Variants in FER1L6 observed in about 807,000 individuals in gnomAD.
The protein encoded by FER1L6 is fer-1-like protein 6.
A neutral mutation model predicts 219.2 loss-of-function variants in FER1L6; 177 were observed. The observed-to-expected ratio is 0.81, with a 90% CI of 0.71 to 0.91. The LOEUF is 0.91. FER1L6 is among the 40% of genes least tolerant of loss of function. The probability of loss-of-function intolerance (pLI) is 0.00; values close to 1 mark genes in which losing one functional copy is unlikely to be tolerated. For missense variants in FER1L6, 2,153 were observed against 2,259.9 expected, an observed-to-expected ratio of 0.95 and a Z score of 0.96; for synonymous variants, 768 against 824.3, an observed-to-expected ratio of 0.93 and a Z score of 1.17.
chr8:124,118,034 G>A (rs1015918412), intron 39 of FER1L6, among the ~76,000 whole-genome samples: 10 of 152,100 alleles, frequency 6.6e-5, no homozygotes, highest in South Asian at 4.1e-4. Flanking sequence ...AGAAATGAGC[G>A]TCTCTGTCAC....
intron 1 of FER1L6, among the ~76,000 whole-genome samples, chr8:123,953,740 C>T (rs1192057298): frequency 6.6e-6 from 1 of 152,204 alleles, no homozygotes; most frequent in African/African-American, 2.4e-5. Context: ...CTTCAAGCAG[C>T]CTCCAGAGCC....
At chr8:123,919,095 G>A (rs1813279751) in intron 1 of FER1L6, among the ~76,000 whole-genome samples, 1 of 152,188 alleles carries the variant, frequency 6.6e-6, no homozygotes, top group African/African-American at 2.4e-5. Flanking sequence ...GGAGAGTGGG[G>A]ACTTGAAGGA....
chr8:124,117,679 T>C (rs1823304250), intron 39 of FER1L6, among the ~76,000 whole-genome samples: 1 of 152,174 alleles, frequency 6.6e-6, no homozygotes, highest in African/African-American at 2.4e-5. Flanking sequence ...GCCCTGCCAC[T>C]CCCTCTCTAT....
intron 12 of FER1L6, among the ~76,000 whole-genome samples, chr8:123,995,397 C>G (rs1351660175): frequency 6.6e-6 from 1 of 152,126 alleles, no homozygotes; most frequent in Admixed American, 6.5e-5. Flanking sequence ...ATGATTCAAT[C>G]TTGGTAGGTT....
At chr8:124,097,966 GGA>G (rs1822383135) in intron 37 of FER1L6, 83 bp downstream of exon 37, 2 of 760,714 alleles carry the variant, frequency 2.6e-6, no homozygotes, top group Admixed American at 1.9e-5. Flanking sequence ...GCCTCATGGA[GGA>G]TACTAAACCC....
chr8:124,007,301 TC>T (rs111395715), intron 13 of FER1L6, among the ~76,000 whole-genome samples: 4,297 of 150,628 alleles, frequency 0.029, 128 homozygotes, highest in East Asian at 0.11. Flanking sequence ...TCTCTCCCTC[TC>T]CCCCCCCTAC....
intron 22 of FER1L6, among the ~76,000 whole-genome samples, chr8:124,057,177 A>G (rs902147936): frequency 1.3e-5 from 2 of 152,252 alleles, no homozygotes; most frequent in Admixed American, 1.3e-4. Flanking sequence ...TGGCTTTGCC[A>G]TAATCTCACT....
intron 1 of FER1L6, among the ~76,000 whole-genome samples, chr8:123,859,862 T>A (rs1816713591): frequency 6.8e-6 from 1 of 147,414 alleles, no homozygotes; most frequent in Non-Finnish European, 1.5e-5. Context: ...TTCATCCATG[T>A]CCCTACAAAG....
rs201007406 is a variant in FER1L6 at position 124,101,281 on chromosome 8, G to A, written c.5068G>A (p.Ala1690Thr). Residue 1690 changes from alanine to threonine, a missense_variant, in exon 38 of 41, where the codon GCT becomes ACT. Ala to Thr is a moderately conservative substitution (Grantham distance 58). Coordinates refer to ENST00000522917, the MANE Select transcript of FER1L6 (RefSeq NM_001039112.2). ...SLEKMECKTPAVLVLQVWDFE... is the reference protein window; with the variant it reads ...SLEKMECKTPTVLVLQVWDFE... ...AGAGAAGATGGAGTGTAAGACTCCT[G>A]CTGTGTTGGTGCTGCAGGTTTGGGA... 217 of 1,613,546 alleles carry A rather than the reference G, an allele frequency of 1.3e-4. No homozygotes were observed. The Middle Eastern group carries it at 2.3e-3, about 17-fold the overall frequency.
At position 123,923,964 on chromosome 8, in the gene FER1L6, T is replaced by C. The variant is rs1052125404; in HGVS notation, c.-7-32028T>C. 3.4e-4 allele frequency among the ~76,000 whole-genome samples: 38 copies of C among 112,650 alleles called. 1 individual carries two copies. Among genetic ancestry groups the C allele is most frequent in the Admixed American group, 3.2e-3 (36 of 11,100 alleles). The allele number at this position is 112,650 out of a possible 152,430, so 73.9% of individuals were successfully genotyped here. A position where few individuals can be genotyped will look rare whatever the true frequency, so the allele number is the denominator to read the frequency against. On this transcript the variant is annotated intron_variant, in intron 1 of 40. Coordinates refer to ENST00000522917, the MANE Select transcript of FER1L6 (RefSeq NM_001039112.2). ...AAGAAAAAAAAAAAAAAAAAAAAAG[T>C]GAAAATCTGGCTGGGCATGGTGGCT...
chr8:123,993,867 CA>C (rs1816990300), intron 12 of FER1L6, among the ~76,000 whole-genome samples: 1 of 152,150 alleles, frequency 6.6e-6, no homozygotes, highest in South Asian at 2.1e-4. Flanking sequence ...TGAGGGTGGT[CA>C]GGGGAGTGAT....
intron 5 of FER1L6, among the ~76,000 whole-genome samples, chr8:123,967,080 TCA>T (rs1491512081): frequency 5.3e-5 from 4 of 74,778 alleles, no homozygotes; most frequent in Non-Finnish European, 7.9e-5. Context: ...AGACTCCACC[TCA>T]AAAAAAAAAA....
chr8:123,966,483 G>C (rs1423541299), intron 5 of FER1L6, among the ~76,000 whole-genome samples, 193 bp downstream of exon 5: 3 of 152,214 alleles, frequency 2.0e-5, no homozygotes, highest in African/African-American at 7.2e-5. Context: ...GTGGAAAAGA[G>C]AGGCGAGGAA....
rs1163752179 is a variant in FER1L6 at position 124,064,478 on chromosome 8, C to G, written c.3460C>G (p.Pro1154Ala). 2 of 1,613,962 alleles carry G rather than the reference C, an allele frequency of 1.2e-6. No homozygotes were observed. The highest frequency in any genetic ancestry group is 1.7e-6 in the Non-Finnish European group (2 of 1,180,004). Reference protein sequence around the residue: ...TVVPDSAQAQPAILVDVPDSS... With the variant: ...TVVPDSAQAQAAILVDVPDSS... ...GGTGCCCGACTCTGCCCAGGCCCAGCCGGCCATCCTGGTTGACGTCCCTGA... is the reference window on the plus strand; with the variant it reads ...GGTGCCCGACTCTGCCCAGGCCCAGGCGGCCATCCTGGTTGACGTCCCTGA... The change falls in exon 26 of 41, where the codon CCG becomes GCG. Residue 1154 changes from proline to alanine, a missense_variant. Pro to Ala is a conservative substitution (Grantham distance 27, BLOSUM62 -1). Transcript: ENST00000522917.
chr8:124,091,432 C>A lies in FER1L6; in HGVS notation c.4401C>A (p.Tyr1467Ter). The A allele has an allele frequency of 1.2e-6, 2 of 1,613,660 alleles. No individual in the cohort carries two copies. Among genetic ancestry groups the A allele is most frequent in the Non-Finnish European group, 1.7e-6 (2 of 1,179,696 alleles). ...GLQSQYEIEG[Y>*]NAWRDTSKPT... Reference sequence around the variant, plus strand: ...TCCCTCCACTTTTCAGAGAAGGATACAATGCCTGGAGAGACACGTCCAAAC... The same window carrying A: ...TCCCTCCACTTTTCAGAGAAGGATAAAATGCCTGGAGAGACACGTCCAAAC... The change falls in exon 34 of 41, where the codon TAC becomes TAA. Residue 1467 changes from tyrosine to a stop codon, truncating the protein, a stop_gained. Transcript: ENST00000522917. LOFTEE classifies it high-confidence loss of function.
intron 33 of FER1L6, among the ~76,000 whole-genome samples, chr8:124,090,385 A>C (rs1821978224): frequency 6.6e-6 from 1 of 152,218 alleles, no homozygotes. Flanking sequence ...AGCCACAGGC[A>C]AATGGTGCAT....
intron 1 of FER1L6, among the ~76,000 whole-genome samples, chr8:123,868,115 G>A (rs868551096): frequency 3.6e-5 from 4 of 109,816 alleles, no homozygotes; most frequent in African/African-American, 1.1e-4. Context: ...TTCCTTCCCC[G>A]CTCCTTCTCC....
intron 39 of FER1L6, 85 bp downstream of exon 39, chr8:124,103,394 G>C: frequency 6.0e-6 from 8 of 1,344,310 alleles, no homozygotes; most frequent in Non-Finnish European, 8.3e-6. Context: ...TGAACTTCAA[G>C]TAAAATGCCT....
Position 124,067,772 on chromosome 8 carries a change from G to A in FER1L6, c.3684G>A (p.Lys1228=). The change falls in exon 28 of 41, where the codon AAG becomes AAA. Residue 1228 remains lysine, a synonymous_variant. Coordinates refer to ENST00000522917, the MANE Select transcript of FER1L6 (RefSeq NM_001039112.2). The part of the protein sequence containing the change: ...YASLKKAQKA[K]ERNPKGKKGN... Reference sequence around the variant, plus strand: ...TATTGTCTCCTTTTTCAAAGGCAAAGGAGAGAAATCCCAAGGGAAAAAAAG... The same window carrying A: ...TATTGTCTCCTTTTTCAAAGGCAAAAGAGAGAAATCCCAAGGGAAAAAAAG... 1 of 1,612,352 alleles carries A rather than the reference G, an allele frequency of 6.2e-7. No homozygotes were observed. Among genetic ancestry groups the A allele is most frequent in the South Asian group, 1.1e-5 (1 of 91,028 alleles).
Sources: allele counts gnomAD v4.1 joint callset (sites outside exome capture counted in the v4.1 genomes callset), GRCh38; gene constraint gnomAD v4.1.1; transcripts MANE v1.5; gene names NCBI Gene and HGNC (gene_info 2026-07-23, HGNC 2026-07-21).